The following CTDSP1 variants were observed in gnomAD, a reference collection of about 807,000 sequenced individuals.
The protein encoded by CTDSP1 is carboxy-terminal domain RNA polymerase II polypeptide A small phosphatase 1.
A neutral mutation model predicts 32.5 loss-of-function variants in CTDSP1; 15 were observed. That is an observed-to-expected ratio of 0.46 (90% CI 0.31 to 0.71). CTDSP1 has a LOEUF of 0.71. Ranked by LOEUF, CTDSP1 falls within the 30% of genes least tolerant of loss-of-function variation. CTDSP1 has a pLI of 0.05. For missense variants in CTDSP1, 294 were observed against 351.1 expected (o/e 0.84, Z 1.30); for synonymous variants, 185 against 145.4 (o/e 1.27, Z -1.96).
chr2:218,402,852 C>T (rs1014492104), intron 4 of CTDSP1, 183 bp from the exon 5 acceptor site: 38 of 660,450 alleles, frequency 5.8e-5, no homozygotes, highest in Non-Finnish European at 8.9e-5. Context: ...AAGTTTTGAT[C>T]GTTTTCTGGC....
At chr2:218,398,532 A>T, upstream of CTDSP1, 4 of 1,298,720 alleles carry the variant, frequency 3.1e-6, no homozygotes, top group East Asian at 3.1e-5. Flanking sequence ...TCAGCGCACG[A>T]AGCCGCCGCG....
upstream of CTDSP1, chr2:218,398,296 T>C (rs1696925675): frequency 1.1e-6 from 1 of 920,126 alleles, no homozygotes. Context: ...AGTTTCCTCA[T>C]CTGTGAAATG....
At position 218,404,264 on chromosome 2, in the gene CTDSP1, G is replaced by GC. The variant is rs772533097; in HGVS notation, c.658-27dup. 3.0e-5 allele frequency: 49 copies of GC among 1,608,212 alleles called. 1 individual carries two copies. The South Asian group carries it at 5.2e-4, about 17-fold the overall frequency. ...GGAAATTCTGCACCCAGGACCACCT[G>GC]CCCCCCTCATCTTCCTACACCCACT... is the stretch of plus-strand genomic sequence containing the variant. On this transcript the variant is annotated intron_variant, in intron 6 of 6. Coordinates refer to ENST00000273062, the MANE Select transcript of CTDSP1 (RefSeq NM_021198.3).
chr2:218,401,505 A>G (rs1697137052), intron 1 of CTDSP1, 59 bp from the exon 2 acceptor site: 2 of 1,594,070 alleles, frequency 1.3e-6, no homozygotes, highest in South Asian at 1.1e-5. Flanking sequence ...CTGGGCACAC[A>G]TGCAGGATTC....
At chr2:218,402,615 C>T (rs992998663) in intron 4 of CTDSP1, 2 of 759,094 alleles carry the variant, frequency 2.6e-6, no homozygotes, top group East Asian at 2.5e-5. Flanking sequence ...CTCTAGGCTC[C>T]CCCGTGCTGT....
intron 1 of CTDSP1, chr2:218,400,455 C>G: frequency 2.1e-6 from 1 of 487,802 alleles, no homozygotes; most frequent in Non-Finnish European, 3.8e-6. Flanking sequence ...TGCATGGGCG[C>G]CCCCCCACCA....
Position 218,403,415 on chromosome 2 carries a change from G to C in CTDSP1, c.655G>C (p.Ala219Pro). The C allele has an allele frequency of 6.3e-7, 1 of 1,593,176 alleles. No individual in the cohort carries two copies. Among genetic ancestry groups the C allele is most frequent in the Non-Finnish European group, 8.6e-7 (1 of 1,169,292 alleles). The change falls in exon 6 of 7, where the codon GCT becomes CCT. Residue 219 changes from alanine to proline, a missense_variant and splice_region_variant. Ala to Pro is a conservative substitution (Grantham distance 27). This residue lies in a region of CTDSP1 where 146 missense variants were observed against 237.7 expected (regional missense o/e 0.61). Coordinates refer to ENST00000273062, the MANE Select transcript of CTDSP1 (RefSeq NM_021198.3). ...PASYVFHPDN[A>P]VPVASWFDNM... ...CTCCTATGTCTTCCATCCAGACAAT[G>C]CTGTGAGTGCGGGCTGGACTGGGAC... is the stretch of plus-strand genomic sequence containing the variant.
chr2:218,399,980 T>TTCCCA lies in CTDSP1; in HGVS notation c.-111_-110insTCCCA. 1.1e-6 allele frequency: 1 copy of TTCCCA among 946,504 alleles called. No individual in the cohort carries two copies. The highest frequency in any genetic ancestry group is 1.3e-6 in the Non-Finnish European group (1 of 770,558). 58.6% of individuals were successfully genotyped at this position (946,504 alleles called of 1,614,324 possible). A position where few individuals can be genotyped will look rare whatever the true frequency, so the allele number is the denominator to read the frequency against. ...CCCTCCCCTCCGGAGCTCGCGGGGA[T>TTCCCA]CCCTCCCTCCCACCCCTCCCCTCCC... On this transcript the variant is annotated 5_prime_UTR_variant, in exon 1 of 7. Transcript: ENST00000273062.
At chr2:218,397,500 C>T (rs1696881860), upstream of CTDSP1, among the ~76,000 whole-genome samples, 1 of 152,172 alleles carries the variant, frequency 6.6e-6, no homozygotes, top group African/African-American at 2.4e-5. Flanking sequence ...TTTACCAGCC[C>T]TGTTTGGCAG....
chr2:218,400,282 C>G (rs1229593653), intron 1 of CTDSP1, 125 bp downstream of exon 1: 1 of 861,994 alleles, frequency 1.2e-6, no homozygotes, highest in African/African-American at 1.7e-5. Flanking sequence ...CCCGAAGCTC[C>G]CAGCCCGAGA....
Position 218,405,279 on chromosome 2 carries a change from G to C in CTDSP1, c.*854G>C, listed in dbSNP as rs1038142555. 2.6e-5 allele frequency: 4 copies of C among 152,844 alleles called. No homozygotes were observed. Among genetic ancestry groups the C allele is most frequent in the African/African-American group, 9.6e-5 (4 of 41,464 alleles). The allele number at this position is 152,844 out of a possible 1,614,324, so 9.5% of individuals were successfully genotyped here. On this transcript the variant is annotated 3_prime_UTR_variant, in exon 7 of 7. Coordinates refer to ENST00000273062, the MANE Select transcript of CTDSP1 (RefSeq NM_021198.3). ...CTTTCCTGGGCCCAGAAGTTGGGGG[G>C]AGGGAGGGAAAGGATTTTTACATTT...
intron 1 of CTDSP1, chr2:218,400,905 C>T: frequency 2.2e-6 from 1 of 456,326 alleles, no homozygotes; most frequent in African/African-American, 2.0e-5. Context: ...CAGGTCTGCC[C>T]ACCCTCGCCT....
intron 4 of CTDSP1, chr2:218,402,635 C>T (rs769721321): frequency 1.3e-6 from 1 of 764,884 alleles, no homozygotes; most frequent in Non-Finnish European, 2.4e-6. Context: ...TGCTCCCTCG[C>T]CCCACCCTGC....
intron 1 of CTDSP1, 194 bp from the exon 2 acceptor site, chr2:218,401,370 G>C: frequency 1.6e-6 from 1 of 615,772 alleles, no homozygotes; most frequent in South Asian, 2.0e-5. Context: ...TTGTCTGGGA[G>C]CTGCAGGAGC....
At chr2:218,402,604 C>A in intron 4 of CTDSP1, 199 bp downstream of exon 4, 1 of 754,220 alleles carries the variant, frequency 1.3e-6, no homozygotes, top group Non-Finnish European at 2.4e-6. Context: ...GTGGGCTCCT[C>A]CTCTAGGCTC....
At chr2:218,398,439 G>A (rs1240648982), upstream of CTDSP1, 2 of 1,534,654 alleles carry the variant, frequency 1.3e-6, no homozygotes, top group African/African-American at 1.4e-5. Flanking sequence ...GGGCTACCCA[G>A]GAGCAGGAGG....
At chr2:218,401,739 G>C (rs752920374) in intron 2 of CTDSP1, 27 bp downstream of exon 2, 3 of 1,530,892 alleles carry the variant, frequency 2.0e-6, no homozygotes, top group Non-Finnish European at 2.6e-6. Flanking sequence ...TGGGGCCACG[G>C]GGGCACCTGG....
At chr2:218,400,454 G>GC (rs1198662350) in intron 1 of CTDSP1, 36 of 490,046 alleles carry the variant, frequency 7.3e-5, no homozygotes, top group Middle Eastern at 3.0e-4. Flanking sequence ...GTGCATGGGC[G>GC]CCCCCCCACC....
intron 2 of CTDSP1, among the ~76,000 whole-genome samples, 154 bp downstream of exon 2, chr2:218,401,866 A>G (rs1268050745): frequency 6.6e-6 from 1 of 152,138 alleles, no homozygotes; most frequent in Non-Finnish European, 1.5e-5. Context: ...GGCCCTGCCC[A>G]CTGTGGGGAA....
Sources: gnomAD v4.1 joint callset for allele counts (sites outside exome capture counted in the v4.1 genomes callset) on GRCh38, gnomAD v4.1.1 for gene constraint, gnomAD v4.1.1 regional missense constraint, MANE v1.5 for transcripts, NCBI Gene and HGNC (gene_info 2026-07-23, HGNC 2026-07-21) for gene names.